FNTB: variants seen among roughly 807,000 people sequenced by gnomAD.
FNTB encodes the protein farnesyltransferase, CAAX box, subunit beta, also known as protein farnesyltransferase subunit beta.
Under a neutral mutation model 59.4 loss-of-function variants are expected in FNTB, and 27 were observed. The observed-to-expected ratio is 0.45, with a 90% CI of 0.34 to 0.63. FNTB has a LOEUF of 0.63. FNTB is among the 20% of genes least tolerant of loss of function. The pLI, the probability that FNTB is intolerant of heterozygous loss-of-function variation, is 0.02. For synonymous variants in FNTB, 230 were observed against 220.7 expected (o/e 1.04, Z -0.37); for missense variants, 449 against 559.6 (o/e 0.80, Z 1.99).
At chr14:64,988,749 T>G (rs958651695) in intron 1 of FNTB, among the ~76,000 whole-genome samples, 1 of 152,202 alleles carries the variant, frequency 6.6e-6, no homozygotes, top group Non-Finnish European at 1.5e-5. Context: ...CTTTCAAATC[T>G]AGACCCAACG....
At chr14:65,020,437 CT>C (rs1195336782) in intron 4 of FNTB, among the ~76,000 whole-genome samples, 9 of 143,374 alleles carry the variant, frequency 6.3e-5, no homozygotes, top group Admixed American at 6.8e-5. Context: ...CAGCTTGCCT[CT>C]TTTTTTTTTG....
At chr14:65,022,001 C>T (rs1364862291) in intron 4 of FNTB, 2 of 456,042 alleles carry the variant, frequency 4.4e-6, no homozygotes, top group South Asian at 3.1e-5. Context: ...CATCCAGAGA[C>T]TTGCCGGTGC....
chr14:65,004,145 C>T (rs778999695), intron 1 of FNTB, 104 bp from the exon 2 acceptor site: 132 of 1,336,436 alleles, frequency 9.9e-5, no homozygotes, highest in Non-Finnish European at 1.3e-4. Context: ...CAGACCATAC[C>T]AACCAACCCT....
At chr14:64,999,188 A>G (rs1004051191) in intron 1 of FNTB, among the ~76,000 whole-genome samples, 8 of 152,268 alleles carry the variant, frequency 5.3e-5, no homozygotes, top group Admixed American at 6.5e-5. Flanking sequence ...CTGTAATCCC[A>G]GCACTTTGGG....
intron 9 of FNTB, among the ~76,000 whole-genome samples, chr14:65,050,986 A>G (rs958132500): frequency 7.9e-5 from 12 of 152,264 alleles, no homozygotes; most frequent in African/African-American, 2.9e-4. Flanking sequence ...ATATGTATGT[A>G]TCTTCTACAA....
At chr14:64,998,659 C>T (rs914096107) in intron 1 of FNTB, among the ~76,000 whole-genome samples, 1 of 152,228 alleles carries the variant, frequency 6.6e-6, no homozygotes, top group Non-Finnish European at 1.5e-5. Flanking sequence ...TTTTTAAACA[C>T]AAGTGACTCC....
intron 4 of FNTB, chr14:65,016,382 T>C (rs1048938306): frequency 1.3e-5 from 2 of 152,222 alleles, no homozygotes; most frequent in Non-Finnish European, 2.9e-5. Context: ...GTCCTAGGGA[T>C]ACCTGGAATA....
intron 9 of FNTB, among the ~76,000 whole-genome samples, chr14:65,046,468 A>AG (rs1318387610): frequency 6.6e-6 from 1 of 152,220 alleles, no homozygotes; most frequent in Non-Finnish European, 1.5e-5. Flanking sequence ...AAAGTCTTCC[A>AG]GGGGGGCTGC....
intron 1 of FNTB, among the ~76,000 whole-genome samples, chr14:64,993,569 C>G (rs1361577042): frequency 6.6e-6 from 1 of 152,108 alleles, no homozygotes; most frequent in Non-Finnish European, 1.5e-5. Context: ...TTTGAAAAGT[C>G]TTGCCTTATA....
rs549329403 is a variant in FNTB, at chr14:64,993,195, C to G, written c.144+6098C>G. On this transcript the variant is annotated intron_variant, in intron 1 of 11. Transcript: ENST00000246166. ...CTGTAATCCTGGCACTTTGGAAGGC[C>G]AAGTGGGTGGATAGCTTGAGCCCAC... Among the ~76,000 whole-genome samples, 34 of 152,144 alleles carry G rather than the reference C, an allele frequency of 2.2e-4. No individual in the cohort carries two copies. The South Asian group carries it at 7.1e-3, about 32-fold the overall frequency.
chr14:65,056,837 G>A (rs2062746803), intron 11 of FNTB, among the ~76,000 whole-genome samples: 2 of 152,150 alleles, frequency 1.3e-5, no homozygotes, highest in Non-Finnish European at 2.9e-5. Context: ...CCTGAGACTA[G>A]GTAATGTATA....
At chr14:65,040,604 CTTTTTTT>C (rs35890649) in intron 7 of FNTB, among the ~76,000 whole-genome samples, 179 bp from the exon 8 acceptor site, 10 of 117,326 alleles carry the variant, frequency 8.5e-5, no homozygotes, top group Admixed American at 2.7e-4. Context: ...CCAGGCCCAG[CTTTTTTT>C]TTTTTTTTTT....
At chr14:65,022,687 AGTAGTCATT>A (rs1224389731) in intron 4 of FNTB, among the ~76,000 whole-genome samples, 2 of 151,990 alleles carry the variant, frequency 1.3e-5, no homozygotes, top group African/African-American at 4.8e-5. Flanking sequence ...AAAAAAAAAA[AGTAGTCATT>A]TTTACAACTC....
rs968173036 is a variant in FNTB at position 65,027,269 on chromosome 14, A to G, written c.375-184A>G. ...ACTCAGAGGAGGGCAGACAGAAATG[A>G]TGATAGCTGGAGAGAGAATTAAGCC... On this transcript the variant is annotated intron_variant, in intron 4 of 11. Transcript: ENST00000246166. This position sits in a 1 kb window ranked among gnomAD's most constrained non-coding sequence, Gnocchi z 5.7. 6 of 901,746 alleles carry G rather than the reference A, an allele frequency of 6.7e-6. No individual in the cohort carries two copies. The highest frequency in any genetic ancestry group is 1.7e-5 in the African/African-American group (1 of 59,740). The allele number at this position is 901,746 out of a possible 1,614,324, so 55.9% of individuals were successfully genotyped here.
rs368520945 is a variant in FNTB at position 65,053,291 on chromosome 14, G to A, written c.1009G>A (p.Glu337Lys). Residue 337 changes from glutamate to lysine, a missense_variant, in exon 10 of 12, where the codon GAG becomes AAG. Glu to Lys is a moderately conservative substitution (Grantham distance 56, BLOSUM62 1). This residue lies in a region of FNTB where 337 missense variants were observed against 479.1 expected (regional missense o/e 0.70). Coordinates refer to ENST00000246166, the MANE Select transcript of FNTB (RefSeq NM_002028.4). ...GATGTTCCATCAGCAGGCCCTGCAG[G>A]AGTACATCCTGATGTGCTGCCAGTG... ...HWMFHQQALQ[E>K]YILMCCQCPA... 2 of 1,468,394 alleles carry A rather than the reference G, an allele frequency of 1.4e-6. No homozygotes were observed. The highest frequency in any genetic ancestry group is 1.8e-6 in the Non-Finnish European group (2 of 1,102,720). The allele number at this position is 1,468,394 out of a possible 1,614,324, so 91.0% of individuals were successfully genotyped here.
At position 65,047,871 on chromosome 14, in the gene FNTB, C is replaced by A. The variant is rs370877018; in HGVS notation, c.955+3428C>A. Among the ~76,000 whole-genome samples the A allele has an allele frequency of 6.6e-6, 1 of 152,002 alleles. No homozygotes were observed. The highest frequency in any genetic ancestry group is 1.9e-4 in the East Asian group (1 of 5,190). On this transcript the variant is annotated intron_variant, in intron 9 of 11. Coordinates refer to ENST00000246166, the MANE Select transcript of FNTB (RefSeq NM_002028.4). The surrounding 1 kb of genome is among the most constrained non-coding windows in gnomAD (Gnocchi z 5.2). ...TGGAGCAGTGCCTGGGCACACAGCC[C>A]GAGATGTACACAGCTTTTCCTGGAA...
Position 65,029,351 on chromosome 14 carries a change from A to C in FNTB, c.605+1570A>C, listed in dbSNP as rs1595055940. ...AGGAGTGCTTGTTTGGGTGGATTTG[A>C]CTTGGAGAAAAGCAGCAGTGATGGG... On this transcript the variant is annotated intron_variant, in intron 6 of 11. Coordinates refer to ENST00000246166, the MANE Select transcript of FNTB (RefSeq NM_002028.4). This position sits in a 1 kb window ranked among gnomAD's most constrained non-coding sequence, Gnocchi z 4.7. Among the ~76,000 whole-genome samples the C allele has an allele frequency of 6.6e-6, 1 of 152,122 alleles. No homozygotes were observed. The highest frequency in any genetic ancestry group is 2.1e-4 in the South Asian group (1 of 4,830).
chr14:65,004,354 C>T, intron 2 of FNTB, 41 bp downstream of exon 2: 1 of 1,590,394 alleles, frequency 6.3e-7, no homozygotes, highest in East Asian at 2.2e-5. Flanking sequence ...TGGGAGAACA[C>T]CACCATGCAG....
intron 9 of FNTB, among the ~76,000 whole-genome samples, chr14:65,046,036 G>A (rs559329706): frequency 1.3e-5 from 2 of 152,162 alleles, no homozygotes; most frequent in East Asian, 1.9e-4. Context: ...TGCCCAGGCC[G>A]GAGTGCAATG....
Sources: allele counts gnomAD v4.1 joint callset (sites outside exome capture counted in the v4.1 genomes callset), GRCh38; gene constraint gnomAD v4.1.1; regional missense constraint gnomAD v4.1.1; non-coding constraint Gnocchi (gnomAD v3.1); transcripts MANE v1.5; gene names NCBI Gene and HGNC (gene_info 2026-07-23, HGNC 2026-07-21).